Variants in INSC observed in about 807,000 individuals in gnomAD.
The protein encoded by INSC is INSC spindle orientation adaptor protein.
Under a neutral mutation model 58.6 loss-of-function variants are expected in INSC, and 67 were observed. That is an observed-to-expected ratio of 1.14 (90% CI 0.94 to 1.40). The LOEUF is 1.40. Among genes scored for constraint, INSC ranks in the 40% most tolerant of loss-of-function variants. The pLI, the probability that INSC is intolerant of heterozygous loss-of-function variation, is 0.00. For synonymous variants in INSC, 262 were observed against 276.1 expected, an observed-to-expected ratio of 0.95 and a Z score of 0.51; for missense variants, 714 against 692.0, an observed-to-expected ratio of 1.03 and a Z score of -0.36.
intron 7 of INSC, among the ~76,000 whole-genome samples, chr11:15,209,637 A>G (rs186430454): frequency 3.1e-4 from 47 of 152,214 alleles, no homozygotes; most frequent in African/African-American, 1.1e-3. Context: ...TCTTTAGTCC[A>G]TCAGGGAAGT....
chr11:15,157,676 C>G (rs372142483), intron 2 of INSC, among the ~76,000 whole-genome samples: 2 of 152,198 alleles, frequency 1.3e-5, no homozygotes, highest in African/African-American at 4.8e-5. Context: ...ATGTTCAGCA[C>G]TAACACAGTC....
chr11:15,238,865 T>A, intron 10 of INSC, 54 bp from the exon 11 acceptor site: 5 of 1,570,684 alleles, frequency 3.2e-6, no homozygotes, highest in Non-Finnish European at 4.3e-6. Flanking sequence ...GCTGGCCCCA[T>A]GGGGAAGGCT....
the INSC span, among the ~76,000 whole-genome samples, chr11:15,269,526 G>GT: frequency 4.0e-3 from 594 of 148,006 alleles, 2 homozygotes; most frequent in African/African-American, 0.013. Context: ...ATTCCTGATG[G>GT]TTTTTTTTTT....
At chr11:15,216,041 G>T (rs1056237559) in intron 7 of INSC, among the ~76,000 whole-genome samples, 5 of 152,138 alleles carry the variant, frequency 3.3e-5, no homozygotes, top group African/African-American at 1.2e-4. Flanking sequence ...CAGAAAAGAG[G>T]GCTAGGTTTA....
chr11:15,201,080 C>T lies in INSC; in HGVS notation c.819+131C>T, dbSNP rs537093489. Reference sequence around the variant, plus strand: ...AGTAGTCCTTTTCCCAGGCACCATTCGGATAGGGTGGCTGGGACCTGGACT... The same window carrying T: ...AGTAGTCCTTTTCCCAGGCACCATTTGGATAGGGTGGCTGGGACCTGGACT... On this transcript the variant is annotated intron_variant, in intron 7 of 12. Transcript: ENST00000379556. 507 of 1,154,272 alleles carry T rather than the reference C, an allele frequency of 4.4e-4. 2 individuals carry two copies. In the African/African-American group the frequency reaches 6.8e-3, roughly 15 times the overall value. 71.5% of individuals were successfully genotyped at this position (1,154,272 alleles called of 1,614,324 possible).
intron 5 of INSC, among the ~76,000 whole-genome samples, chr11:15,182,369 T>G (rs1342178056): frequency 6.6e-6 from 1 of 152,180 alleles, no homozygotes; most frequent in Non-Finnish European, 1.5e-5. Flanking sequence ...TCAGTCAGTT[T>G]ATTTCAGTTG....
At chr11:15,158,333 C>T (rs147910437) in intron 2 of INSC, among the ~76,000 whole-genome samples, 13 of 151,352 alleles carry the variant, frequency 8.6e-5, no homozygotes, top group Admixed American at 3.3e-4. Flanking sequence ...TCTTCAGACC[C>T]GTTCCTGGCC....
chr11:15,258,657 C>A, the INSC span, among the ~76,000 whole-genome samples: 1 of 152,202 alleles, frequency 6.6e-6, no homozygotes, highest in South Asian at 2.1e-4. Flanking sequence ...TCTGCTGGAC[C>A]CTTTGAATAC....
intron 2 of INSC, among the ~76,000 whole-genome samples, chr11:15,164,215 G>A (rs866677456): frequency 2.6e-5 from 4 of 152,130 alleles, no homozygotes; most frequent in Middle Eastern, 6.8e-3. Flanking sequence ...AACTATATAT[G>A]GGATGAGACT....
intron 11 of INSC, 79 bp from the exon 12 acceptor site, chr11:15,240,368 C>A: frequency 8.0e-7 from 1 of 1,253,020 alleles, no homozygotes; most frequent in Non-Finnish European, 1.2e-6. Context: ...ATTGGGTGTG[C>A]AAGGGAGGCC....
intron 7 of INSC, among the ~76,000 whole-genome samples, chr11:15,213,715 C>A (rs1851112610): frequency 6.6e-6 from 1 of 152,200 alleles, no homozygotes; most frequent in Non-Finnish European, 1.5e-5. Flanking sequence ...CACTGACTTG[C>A]CTGCCAAACT....
the INSC span, among the ~76,000 whole-genome samples, chr11:15,255,736 A>ATGTGTATGTGTGTG: frequency 2.2e-4 from 33 of 148,020 alleles, no homozygotes; most frequent in African/African-American, 8.3e-4. Flanking sequence ...AAGTGTGTGT[A>ATGTGTATGTGTGTG]TGTGTGTGTG....
chr11:15,177,181 A>G lies in INSC; in HGVS notation c.455+18A>G. 1.2e-6 allele frequency: 2 copies of G among 1,611,688 alleles called. No homozygotes were observed. Among genetic ancestry groups the G allele is most frequent in the South Asian group, 1.1e-5 (1 of 91,028 alleles). ...ACAGAGAGGTAAATTTGGACCATAG[A>G]TCTCCCAGGGTCTGCCCACCCGACC... On this transcript the variant is annotated intron_variant, in intron 4 of 12. Transcript: ENST00000379556.
chr11:15,246,247 T>A lies in INSC; in HGVS notation c.*207T>A. On this transcript the variant is annotated 3_prime_UTR_variant, in exon 13 of 13. Transcript: ENST00000379556. ...AGAATCTTCTTTGTGTTTTATTTTT[T>A]GATTTCTGTAGCTTTTCAGTTGCAG... is the stretch of plus-strand genomic sequence containing the variant. 1 of 446,894 alleles carries A rather than the reference T, an allele frequency of 2.2e-6. No homozygotes were observed. Among genetic ancestry groups the A allele is most frequent in the Non-Finnish European group, 3.9e-6 (1 of 258,438 alleles). 27.7% of individuals were successfully genotyped at this position (446,894 alleles called of 1,614,324 possible). A position where few individuals can be genotyped will look rare whatever the true frequency, so the allele number is the denominator to read the frequency against.
At chr11:15,136,279 A>G (rs549824572) in intron 1 of INSC, among the ~76,000 whole-genome samples, 3 of 152,352 alleles carry the variant, frequency 2.0e-5, no homozygotes, top group South Asian at 4.1e-4. Flanking sequence ...AATGCTAATG[A>G]TCATCTGAAG....
intron 2 of INSC, among the ~76,000 whole-genome samples, chr11:15,150,527 C>G (rs536905110): frequency 1.4e-4 from 21 of 152,346 alleles, no homozygotes; most frequent in African/African-American, 5.1e-4. Context: ...TGCCATGTTG[C>G]ATGGAAGCAT....
intron 5 of INSC, 48 bp downstream of exon 5, chr11:15,178,495 G>T: frequency 1.9e-6 from 3 of 1,581,300 alleles, no homozygotes; most frequent in Non-Finnish European, 2.6e-6. Flanking sequence ...TGGACCCTTG[G>T]AGGAAAGGAG....
At chr11:15,143,067 T>C (rs979826122) in intron 1 of INSC, among the ~76,000 whole-genome samples, 1 of 152,118 alleles carries the variant, frequency 6.6e-6, no homozygotes, top group African/African-American at 2.4e-5. Context: ...ATCCAGTCAG[T>C]GAGCAAGTGT....
intron 2 of INSC, among the ~76,000 whole-genome samples, chr11:15,165,390 T>C (rs961134716): frequency 2.6e-5 from 4 of 152,190 alleles, no homozygotes; most frequent in Non-Finnish European, 5.9e-5. Context: ...ATAATATATA[T>C]AATCACTTCA....
Sources: allele counts gnomAD v4.1 joint callset (sites outside exome capture counted in the v4.1 genomes callset), GRCh38; gene constraint gnomAD v4.1.1; transcripts MANE v1.5; gene names NCBI Gene and HGNC (gene_info 2026-07-23, HGNC 2026-07-21).